TMEM232: variants seen among roughly 807,000 people sequenced by gnomAD.
The protein encoded by TMEM232 is transmembrane protein 232.
Under a neutral mutation model 78.8 loss-of-function variants are expected in TMEM232, and 80 were observed. The observed-to-expected ratio is 1.01, with a 90% CI of 0.85 to 1.22. The LOEUF is 1.22. Ranked by LOEUF, TMEM232 falls within the 50% of genes most tolerant of loss-of-function variation. TMEM232 has a pLI of 0.00. For missense variants in TMEM232, 881 were observed against 742.2 expected (o/e 1.19, Z -2.17); for synonymous variants, 297 against 254.3 (o/e 1.17, Z -1.60).
intron 11 of TMEM232, among the ~76,000 whole-genome samples, chr5:110,538,723 G>C (rs1393639689): frequency 2.0e-5 from 3 of 152,118 alleles, no homozygotes; most frequent in South Asian, 2.1e-4. Context: ...AAGGGGCCTG[G>C]GGTCTTCCTC....
chr5:110,420,988 A>G (rs985593569), intron 13 of TMEM232, among the ~76,000 whole-genome samples: 1 of 151,144 alleles, frequency 6.6e-6, no homozygotes, highest in African/African-American at 2.4e-5. Flanking sequence ...AAAAAAAAAA[A>G]CAATAAAAAA....
chr5:110,556,697 G>T (rs1020236320), intron 11 of TMEM232, among the ~76,000 whole-genome samples: 13 of 152,114 alleles, frequency 8.5e-5, no homozygotes, highest in African/African-American at 2.7e-4. Flanking sequence ...TTAGGATGCA[G>T]AATATAGGTC....
chr5:110,538,244 A>G (rs1486105976), intron 11 of TMEM232, among the ~76,000 whole-genome samples: 2 of 152,196 alleles, frequency 1.3e-5, no homozygotes, highest in Non-Finnish European at 1.5e-5. Context: ...AAGGCAAAAT[A>G]TTAATGGCAC....
intron 1 of TMEM232, among the ~76,000 whole-genome samples, chr5:110,715,713 T>G (rs1034557813): frequency 6.6e-6 from 1 of 151,818 alleles, no homozygotes. Context: ...AAAAGACTGG[T>G]TCAGGCCATG....
intron 10 of TMEM232, among the ~76,000 whole-genome samples, chr5:110,591,340 C>A (rs755227022): frequency 2.0e-4 from 31 of 152,174 alleles, no homozygotes; most frequent in Non-Finnish European, 4.1e-4. Context: ...CACCTGTAAT[C>A]CCAGCTACTT....
At chr5:110,601,862 A>G (rs1400229402) in intron 10 of TMEM232, among the ~76,000 whole-genome samples, 1 of 152,194 alleles carries the variant, frequency 6.6e-6, no homozygotes, top group Non-Finnish European at 1.5e-5. Context: ...AAGAGAACAA[A>G]GCTGGAGGCA....
intron 12 of TMEM232, among the ~76,000 whole-genome samples, chr5:110,518,461 C>G (rs1056527244): frequency 6.6e-6 from 1 of 152,050 alleles, no homozygotes; most frequent in Non-Finnish European, 1.5e-5. Flanking sequence ...CTGACATTTT[C>G]ATTGTATCTT....
intron 12 of TMEM232, among the ~76,000 whole-genome samples, chr5:110,437,318 A>G (rs1758547972): frequency 6.6e-6 from 1 of 152,066 alleles, no homozygotes. Context: ...ATCTGGATCT[A>G]AAACAAAATT....
At chr5:110,442,939 G>GCT (rs1328860776) in intron 12 of TMEM232, among the ~76,000 whole-genome samples, 2 of 152,142 alleles carry the variant, frequency 1.3e-5, no homozygotes, top group East Asian at 1.9e-4. Context: ...ACAAATGGAG[G>GCT]CTCTCTCTCT....
intron 11 of TMEM232, among the ~76,000 whole-genome samples, chr5:110,564,214 T>C (rs374598060): frequency 2.6e-5 from 4 of 151,858 alleles, no homozygotes; most frequent in East Asian, 1.9e-4. Context: ...AACCAGAAAT[T>C]TTCAATGACA....
At chr5:110,578,775 TTCGA>T (rs2149718213) in intron 10 of TMEM232, among the ~76,000 whole-genome samples, 1 of 151,910 alleles carries the variant, frequency 6.6e-6, no homozygotes, top group South Asian at 2.1e-4. Flanking sequence ...GAAACATCAA[TTCGA>T]TAGGAACAAA....
intron 12 of TMEM232, among the ~76,000 whole-genome samples, chr5:110,427,264 A>G (rs992787414): frequency 1.3e-5 from 2 of 151,970 alleles, no homozygotes; most frequent in African/African-American, 4.8e-5. Context: ...TAATACTGAA[A>G]AATAATAGCA....
At position 110,584,493 on chromosome 5, in the gene TMEM232, G is replaced by T. The variant is rs148254682; in HGVS notation, c.1277-15868C>A. On this transcript the variant is annotated intron_variant, in intron 10 of 13. Coordinates refer to ENST00000455884, the MANE Select transcript of TMEM232 (RefSeq NM_001039763.4). ...AATAGAATGGCAGTTACCAGAGGTTGGTGGAGGCAATAAGAGAATTGCGAA... is the reference window on the plus strand; with the variant it reads ...AATAGAATGGCAGTTACCAGAGGTTTGTGGAGGCAATAAGAGAATTGCGAA... Among the ~76,000 whole-genome samples the T allele has an allele frequency of 4.7e-4, 72 of 152,160 alleles. No homozygotes were observed. In the East Asian group the frequency reaches 0.014, roughly 29 times the overall value.
chr5:110,392,032 AT>A (rs1755215666), intron 3 of TMEM232, among the ~76,000 whole-genome samples: 1 of 152,128 alleles, frequency 6.6e-6, no homozygotes, highest in Non-Finnish European at 1.5e-5. Flanking sequence ...GAGAGCTCAT[AT>A]TTCTTTGTAT....
chr5:110,662,193 A>G (rs1371578460), intron 2 of TMEM232, among the ~76,000 whole-genome samples: 1 of 152,166 alleles, frequency 6.6e-6, no homozygotes, highest in African/African-American at 2.4e-5. Context: ...AAAGTTAGAA[A>G]ATACAAATTT....
chr5:110,639,046 G>A (rs925713340), intron 4 of TMEM232, among the ~76,000 whole-genome samples: 9 of 152,088 alleles, frequency 5.9e-5, no homozygotes, highest in East Asian at 1.9e-4. Context: ...ATATGAGGAC[G>A]AACAGCAAAT....
At chr5:110,708,620 T>A (rs1338624153) in intron 1 of TMEM232, among the ~76,000 whole-genome samples, 1 of 152,182 alleles carries the variant, frequency 6.6e-6, no homozygotes, top group South Asian at 2.1e-4. Flanking sequence ...TCTTTTTGTA[T>A]GTTTATTTCA....
chr5:110,421,142 T>G (rs1756593850), intron 13 of TMEM232, among the ~76,000 whole-genome samples: 2 of 152,064 alleles, frequency 1.3e-5, no homozygotes, highest in South Asian at 2.1e-4. Context: ...AAATACAAAT[T>G]AAACAGAAAG....
chr5:110,422,291 G>A (rs1009401875), intron 13 of TMEM232, among the ~76,000 whole-genome samples: 15 of 151,870 alleles, frequency 9.9e-5, no homozygotes, highest in Non-Finnish European at 1.3e-4. Context: ...TGAGGCGGGC[G>A]GATCACGAGG....
Sources: gnomAD v4.1 joint callset for allele counts (sites outside exome capture counted in the v4.1 genomes callset) on GRCh38, gnomAD v4.1.1 for gene constraint, MANE v1.5 for transcripts, NCBI Gene and HGNC (gene_info 2026-07-23, HGNC 2026-07-21) for gene names.